Variants in ATF3 observed in about 807,000 individuals in gnomAD.
The protein encoded by ATF3 is activating transcription factor 3.
Under a neutral mutation model 18.4 loss-of-function variants are expected in ATF3, and 10 were observed. The observed-to-expected ratio is 0.54, with a 90% confidence interval of 0.34 to 0.92. The LOEUF (loss-of-function observed/expected upper bound fraction) is 0.92. ATF3 is among the 40% of genes least tolerant of loss of function. The probability of loss-of-function intolerance (pLI) is 0.02; values close to 1 mark genes in which losing one functional copy is unlikely to be tolerated. For synonymous variants in ATF3, 78 were observed against 87.9 expected, an observed-to-expected ratio of 0.89 and a Z score of 0.63; for missense variants, 183 against 222.3, an observed-to-expected ratio of 0.82 and a Z score of 1.12.
At chr1:212,612,268 G>T (rs373067561) in intron 1 of ATF3, among the ~76,000 whole-genome samples, 106 of 152,238 alleles carry the variant, frequency 7.0e-4, no homozygotes, top group Non-Finnish European at 1.2e-3. Context: ...CTTTCATTGG[G>T]ACTGCTGACT....
upstream of ATF3, among the ~76,000 whole-genome samples, chr1:212,604,930 G>A (rs967376253): frequency 1.3e-5 from 2 of 152,158 alleles, no homozygotes; most frequent in African/African-American, 2.4e-5. Flanking sequence ...TGGGGAACGA[G>A]GATGGCTTTC....
At position 212,619,665 on chromosome 1, in the gene ATF3, C is replaced by A. The variant is rs1655287957; in HGVS notation, c.*110C>A. On this transcript the variant is annotated 3_prime_UTR_variant, in exon 4 of 4. Transcript: ENST00000341491. The surrounding 1 kb of genome is among the most constrained non-coding windows in gnomAD (Gnocchi z 4.4). ...TTCCTGTGTACCTCTAGAATCCCAG[C>A]AGCAGAGAACCATCAAGGCGGGAGG... The A allele has an allele frequency of 2.8e-6, 4 of 1,448,134 alleles. No individual in the cohort carries two copies. The highest frequency in any genetic ancestry group is 4.3e-4 in the Middle Eastern group (2 of 4,662). The allele number at this position is 1,448,134 out of a possible 1,614,324, so 89.7% of individuals were successfully genotyped here. A position where few individuals can be genotyped will look rare whatever the true frequency, so the allele number is the denominator to read the frequency against.
chr1:212,615,258 C>A lies in ATF3; in HGVS notation c.237C>A (p.Ala79=). Residue 79 remains alanine (A), a synonymous_variant, in exon 2 of 4, where the codon GCC becomes GCA. Coordinates refer to ENST00000341491, the MANE Select transcript of ATF3 (RefSeq NM_001674.4). The stretch of plus-strand genomic sequence containing the variant: ...CCCTCGGGGTGTCCATCACAAAAGC[C>A]GAGGTGGGTTCTATCACAGGTATTC... ...DRPLGVSITK[A]EVAPEEDERK... 5 of 1,610,110 alleles carry A rather than the reference C, an allele frequency of 3.1e-6. No homozygotes were observed. The highest frequency in any genetic ancestry group is 4.2e-6 in the Non-Finnish European group (5 of 1,179,728).
chr1:212,612,312 T>G (rs1432921660), intron 1 of ATF3, among the ~76,000 whole-genome samples: 3 of 152,270 alleles, frequency 2.0e-5, no homozygotes, highest in East Asian at 3.9e-4. Context: ...GCGGGAGTCA[T>G]AAACAGCAGA....
chr1:212,606,698 C>A (rs540511822), upstream of ATF3, among the ~76,000 whole-genome samples: 1 of 152,366 alleles, frequency 6.6e-6, no homozygotes, highest in South Asian at 2.1e-4. Context: ...CCTCTCCTTG[C>A]TTCACTTTAT....
intron 1 of ATF3, among the ~76,000 whole-genome samples, chr1:212,578,292 G>A (rs11119977): frequency 0.13 from 19,094 of 152,122 alleles, 1,667 homozygotes; most frequent in East Asian, 0.29. Flanking sequence ...ATTAGAGTTG[G>A]TATCTATGAG....
intron 1 of ATF3, among the ~76,000 whole-genome samples, chr1:212,567,433 G>T (rs1377155673): frequency 2.0e-5 from 3 of 152,186 alleles, no homozygotes; most frequent in Non-Finnish European, 4.4e-5. Flanking sequence ...AGGAAAAACA[G>T]CCCTTCTCTC....
intron 1 of ATF3, among the ~76,000 whole-genome samples, chr1:212,599,175 G>A (rs1654406142): frequency 1.3e-5 from 2 of 152,176 alleles, no homozygotes; most frequent in Admixed American, 6.5e-5. Flanking sequence ...GAGATGATAT[G>A]TATCTTGCAT....
At chr1:212,577,200 A>G (rs1371004886) in intron 1 of ATF3, among the ~76,000 whole-genome samples, 1 of 152,142 alleles carries the variant, frequency 6.6e-6, no homozygotes, top group Non-Finnish European at 1.5e-5. Context: ...CCTAGAATCT[A>G]TTGATGTCTA....
intron 1 of ATF3, among the ~76,000 whole-genome samples, chr1:212,613,076 TG>T (rs1404657711): frequency 2.6e-5 from 4 of 152,176 alleles, no homozygotes; most frequent in African/African-American, 9.7e-5. Flanking sequence ...ATGGAGTAAG[TG>T]GGCTTCAAAT....
chr1:212,568,215 T>G (rs909896434), intron 1 of ATF3, among the ~76,000 whole-genome samples: 2 of 152,130 alleles, frequency 1.3e-5, no homozygotes, highest in African/African-American at 2.4e-5. Context: ...TTTAATGTGT[T>G]AAGAAAAAAA....
chr1:212,619,447 C>T lies in ATF3; in HGVS notation c.438C>T (p.Leu146=), dbSNP rs1655276104. 1.2e-6 allele frequency: 2 copies of T among 1,614,152 alleles called. No homozygotes were observed. Among genetic ancestry groups the T allele is most frequent in the Middle Eastern group, 1.7e-4 (1 of 6,060 alleles). The part of the protein sequence containing the change: ...KNEKQHLIYM[L]NLHRPTCIVR... ...AGAAGCAGCATTTGATATACATGCT[C>T]AACCTTCATCGGCCCACGTGTATTG... The change falls in exon 4 of 4, where the codon CTC becomes CTT. Residue 146 remains leucine (L), a synonymous_variant. Transcript: ENST00000341491. The surrounding 1 kb of genome is among the most constrained non-coding windows in gnomAD (Gnocchi z 4.4).
intron 2 of ATF3, among the ~76,000 whole-genome samples, chr1:212,617,047 G>T (rs1397089627): frequency 1.3e-5 from 2 of 152,118 alleles, no homozygotes; most frequent in African/African-American, 2.4e-5. Flanking sequence ...GGAAATTATC[G>T]GCATATAGAT....
intron 1 of ATF3, among the ~76,000 whole-genome samples, chr1:212,588,158 TA>T (rs1408885468): frequency 6.6e-6 from 1 of 152,140 alleles, no homozygotes; most frequent in Non-Finnish European, 1.5e-5. Flanking sequence ...AAGCTTGTTT[TA>T]AGGAGACATT....
intron 1 of ATF3, among the ~76,000 whole-genome samples, chr1:212,588,903 T>G: frequency 6.6e-6 from 1 of 152,262 alleles, no homozygotes; most frequent in South Asian, 2.1e-4. Context: ...GTCGCCTTCA[T>G]ACTTGGCAAT....
chr1:212,586,269 G>A (rs1445370513), intron 1 of ATF3, among the ~76,000 whole-genome samples: 1 of 151,850 alleles, frequency 6.6e-6, no homozygotes, highest in East Asian at 1.9e-4. Flanking sequence ...AGCTTGACTG[G>A]GGAAGGAGGA....
rs181213641 is a variant in ATF3, at chr1:212,576,205, T to A, written c.-5+10722T>A. On this transcript the variant is annotated intron_variant, in intron 1 of 3. Coordinates refer to the ATF3 transcript ENST00000366981. Reference sequence around the variant, plus strand: ...ATTTTATTTTTTTCTTGAAAATTATTTATTTTTCCTAAGTTTCCATATTTA... The same window carrying A: ...ATTTTATTTTTTTCTTGAAAATTATATATTTTTCCTAAGTTTCCATATTTA... 2.0e-5 allele frequency among the ~76,000 whole-genome samples: 3 copies of A among 152,198 alleles called. No individual in the cohort carries two copies. In the East Asian group the frequency reaches 5.8e-4, roughly 29 times the overall value.
At chr1:212,590,085 T>C (rs1181711320) in intron 1 of ATF3, among the ~76,000 whole-genome samples, 1 of 152,200 alleles carries the variant, frequency 6.6e-6, no homozygotes, top group African/African-American at 2.4e-5. Context: ...TGTTGCCCTT[T>C]GCCATGTTAC....
At position 212,618,787 on chromosome 1, in the gene ATF3, G is replaced by A; in HGVS notation, c.348+553G>A. 1 of 560,686 alleles carries A rather than the reference G, an allele frequency of 1.8e-6. No homozygotes were observed. The highest frequency in any genetic ancestry group is 4.9e-4 in the Middle Eastern group (1 of 2,056). The allele number at this position is 560,686 out of a possible 1,614,324, so 34.7% of individuals were successfully genotyped here. ...AGAGACACTAGGGGAAATAGCTTTT[G>A]TGGGCAAGCAGGGTGGCCGGTGGTG... On this transcript the variant is annotated intron_variant, in intron 3 of 3. Transcript: ENST00000341491. This position sits in a 1 kb window ranked among gnomAD's most constrained non-coding sequence, Gnocchi z 4.4.
Sources: allele counts gnomAD v4.1 joint callset (sites outside exome capture counted in the v4.1 genomes callset), GRCh38; gene constraint gnomAD v4.1.1; non-coding constraint Gnocchi (gnomAD v3.1); transcripts MANE v1.5; gene names NCBI Gene and HGNC (gene_info 2026-07-23, HGNC 2026-07-21).